Variants in OLFM3 observed in about 807,000 individuals in gnomAD.
OLFM3 encodes the protein olfactomedin 3.
In OLFM3, 20 loss-of-function variants were observed where a neutral mutation model predicts 48.6. The observed-to-expected ratio is 0.41, with a 90% CI of 0.29 to 0.60. The LOEUF (loss-of-function observed/expected upper bound fraction) is 0.60. Among genes scored for constraint, OLFM3 ranks in the 20% least tolerant of loss-of-function variants. OLFM3 has a pLI of 0.28. For synonymous variants in OLFM3, 222 were observed against 198.1 expected, an observed-to-expected ratio of 1.12 and a Z score of -1.01; for missense variants, 437 against 544.3, an observed-to-expected ratio of 0.80 and a Z score of 1.96.
At chr1:101,910,094 C>G in intron 1 of OLFM3, 1 of 984,714 alleles carries the variant, frequency 1.0e-6, no homozygotes. Flanking sequence ...TATCCCTTGT[C>G]TCAGAGAAGC....
chr1:101,964,289 A>G (rs1300073211), intron 1 of OLFM3, among the ~76,000 whole-genome samples: 3 of 152,152 alleles, frequency 2.0e-5, no homozygotes, highest in Non-Finnish European at 4.4e-5. Context: ...GCTGGAGTGT[A>G]TGGTAGAATG....
intron 3 of OLFM3, among the ~76,000 whole-genome samples, chr1:101,825,616 T>A (rs1363687364): frequency 6.6e-6 from 1 of 152,214 alleles, no homozygotes; most frequent in Non-Finnish European, 1.5e-5. Flanking sequence ...GAATCCATCT[T>A]CTAATTATGA....
In OLFM3 at chr1:101,806,081, T is replaced by C; in HGVS notation, c.694A>G (p.Asn232Asp). Reference protein sequence around the residue: ...MTDPLASEKNNRVWYMDSYTN... With the variant: ...MTDPLASEKNDRVWYMDSYTN... Reference sequence around the variant, plus strand: ...TGTTTGTGGGAGAAACATACTCTGTTGTTTTTCTCAGATGCTAAAGGGTCT... The same window carrying C: ...TGTTTGTGGGAGAAACATACTCTGTCGTTTTTCTCAGATGCTAAAGGGTCT... Residue 232 changes from asparagine to aspartate, a missense_variant, in exon 5 of 6, where the codon AAC becomes GAC. Physicochemically the swap from Asn to Asp is conservative, Grantham distance 23. Coordinates refer to ENST00000370103, the MANE Select transcript of OLFM3 (RefSeq NM_058170.4). 6.2e-7 allele frequency: 1 copy of C among 1,610,454 alleles called. No individual in the cohort carries two copies. The highest frequency in any genetic ancestry group is 1.7e-5 in the Admixed American group (1 of 59,806).
chr1:101,839,054 T>G (rs990307390), intron 1 of OLFM3, among the ~76,000 whole-genome samples: 1 of 152,168 alleles, frequency 6.6e-6, no homozygotes, highest in Non-Finnish European at 1.5e-5. Context: ...AATTATAAAC[T>G]CAAGAAACTC....
At chr1:101,975,192 C>T (rs1463845112) in intron 1 of OLFM3, among the ~76,000 whole-genome samples, 1 of 152,148 alleles carries the variant, frequency 6.6e-6, no homozygotes, top group Non-Finnish European at 1.5e-5. Context: ...TGTTTGGGTA[C>T]AGTGGTGCGG....
rs1378462850 is a variant in OLFM3 at position 101,844,912 on chromosome 1, C to T, written c.70-7887G>A. Among the ~76,000 whole-genome samples the T allele has an allele frequency of 1.2e-4, 19 of 152,128 alleles. No homozygotes were observed. The East Asian group carries it at 3.7e-3, about 29-fold the overall frequency. On this transcript the variant is annotated intron_variant, in intron 1 of 5. Coordinates refer to ENST00000370103, the MANE Select transcript of OLFM3 (RefSeq NM_058170.4). ...CTTTCTAGCATTAACATTTTATGTT[C>T]CTAGTCTAAGAGATACTGATGCATT...
chr1:101,919,999 T>C (rs142770770), intron 1 of OLFM3, among the ~76,000 whole-genome samples: 31 of 152,336 alleles, frequency 2.0e-4, no homozygotes, highest in African/African-American at 7.0e-4. Flanking sequence ...TTGACTCTTT[T>C]CTGTCTCTTA....
At chr1:101,922,361 C>G (rs1659124902) in intron 1 of OLFM3, among the ~76,000 whole-genome samples, 1 of 152,190 alleles carries the variant, frequency 6.6e-6, no homozygotes, top group Admixed American at 6.5e-5. Context: ...AACCAAGACT[C>G]ATCTGACTCC....
intron 1 of OLFM3, among the ~76,000 whole-genome samples, chr1:101,990,276 T>G (rs1312731561): frequency 6.6e-6 from 1 of 152,146 alleles, no homozygotes; most frequent in Non-Finnish European, 1.5e-5. Flanking sequence ...GCTGATAACT[T>G]TATACAATAT....
chr1:101,861,153 C>A lies in OLFM3; in HGVS notation c.70-24128G>T, dbSNP rs1374803080. Among the ~76,000 whole-genome samples the A allele has an allele frequency of 1.4e-4, 21 of 151,876 alleles. 1 individual carries two copies. On this transcript the variant is annotated intron_variant, in intron 1 of 5. Coordinates refer to ENST00000370103, the MANE Select transcript of OLFM3 (RefSeq NM_058170.4). ...CTCGGCTCACTGCAACCTCTGCTTC[C>A]CGGGTTCAAGCGATTCTCCTGCCTT...
At chr1:101,873,359 G>A (rs1264753543) in intron 1 of OLFM3, among the ~76,000 whole-genome samples, 1 of 151,832 alleles carries the variant, frequency 6.6e-6, no homozygotes, top group Admixed American at 6.6e-5. Context: ...TATTTTGTAT[G>A]GTGGAAATTG....
chr1:101,928,788 T>C (rs1437528685), intron 1 of OLFM3, among the ~76,000 whole-genome samples: 1 of 152,124 alleles, frequency 6.6e-6, no homozygotes, highest in Non-Finnish European at 1.5e-5. Context: ...AAGTTAGGCA[T>C]TTTTATATTC....
intron 1 of OLFM3, among the ~76,000 whole-genome samples, chr1:101,880,038 C>T (rs2100988819): frequency 6.6e-6 from 1 of 151,852 alleles, no homozygotes; most frequent in Non-Finnish European, 1.5e-5. Context: ...GTACTTTTGC[C>T]TAAATTTTTA....
intron 1 of OLFM3, among the ~76,000 whole-genome samples, chr1:101,852,417 T>C (rs1243141032): frequency 2.0e-5 from 3 of 152,106 alleles, no homozygotes; most frequent in East Asian, 3.9e-4. Flanking sequence ...TTTCTCCTTT[T>C]TGAAATAGTT....
Position 101,802,729 on chromosome 1 carries a change from A to G in OLFM3, c.*1509T>C, listed in dbSNP as rs1431068936. On this transcript the variant is annotated 3_prime_UTR_variant, in exon 6 of 6. Transcript: ENST00000370103. ...ATTACATCCTTATCTTTCAAAGAAAATCATGGTACTATGTATGTGTGAAAC... is the reference window on the plus strand; with the variant it reads ...ATTACATCCTTATCTTTCAAAGAAAGTCATGGTACTATGTATGTGTGAAAC... 1 of 151,642 alleles carries G rather than the reference A, an allele frequency of 6.6e-6. No individual in the cohort carries two copies. Among genetic ancestry groups the G allele is most frequent in the East Asian group, 1.9e-4 (1 of 5,158 alleles). The allele number at this position is 151,642 out of a possible 1,614,324, so 9.4% of individuals were successfully genotyped here.
intron 5 of OLFM3, among the ~76,000 whole-genome samples, chr1:101,805,511 T>C (rs926438382): frequency 2.0e-5 from 3 of 151,934 alleles, no homozygotes; most frequent in Non-Finnish European, 2.9e-5. Flanking sequence ...AGGACATAAA[T>C]AGAGCTATGG....
At chr1:101,810,192 G>A (rs1283808352) in intron 4 of OLFM3, among the ~76,000 whole-genome samples, 3 of 151,890 alleles carry the variant, frequency 2.0e-5, no homozygotes, top group Non-Finnish European at 4.4e-5. Flanking sequence ...TTACAACATT[G>A]ATAGGGTTGA....
rs760243358 is a variant in OLFM3 at position 101,803,406 on chromosome 1, G to A, written c.*832C>T. On this transcript the variant is annotated 3_prime_UTR_variant, in exon 6 of 6. Transcript: ENST00000370103. ...GTGGAGTGAACAGAGTAACTCAGTT[G>A]TATGAAATCAGTTGTTGCATTCAAT... is the stretch of plus-strand genomic sequence containing the variant. 2.0e-5 allele frequency: 3 copies of A among 152,110 alleles called. No individual in the cohort carries two copies. Among genetic ancestry groups the A allele is most frequent in the Non-Finnish European group, 4.4e-5 (3 of 67,786 alleles). 9.4% of individuals were successfully genotyped at this position (152,110 alleles called of 1,614,324 possible).
chr1:101,890,004 A>T (rs1657927074), intron 1 of OLFM3, among the ~76,000 whole-genome samples: 1 of 152,052 alleles, frequency 6.6e-6, no homozygotes, highest in Admixed American at 6.6e-5. Context: ...CAAAAAATTC[A>T]GCCACAGGGA....
Sources: allele counts gnomAD v4.1 joint callset (sites outside exome capture counted in the v4.1 genomes callset), GRCh38; gene constraint gnomAD v4.1.1; transcripts MANE v1.5; gene names NCBI Gene and HGNC (gene_info 2026-07-23, HGNC 2026-07-21).